The following BBS7 variants were observed in gnomAD, a reference collection of about 807,000 sequenced individuals.
The protein encoded by BBS7 is BBSome complex member BBS7.
BBS7 carries 50 observed loss-of-function variants against 90.3 expected under a neutral mutation model. The observed-to-expected ratio is 0.55, with a 90% CI of 0.44 to 0.70. The LOEUF (loss-of-function observed/expected upper bound fraction) is 0.70. BBS7 is among the 30% of genes least tolerant of loss of function. BBS7 has a pLI of 0.00. For missense variants in BBS7, 729 were observed against 838.9 expected, an observed-to-expected ratio of 0.87 and a Z score of 1.62; for synonymous variants, 235 against 287.4, an observed-to-expected ratio of 0.82 and a Z score of 1.85.
rs1255306616 is a variant in BBS7 at position 121,833,922 on chromosome 4, TAATC to T, written c.1512-531_1512-528del. Among the ~76,000 whole-genome samples the T allele has an allele frequency of 3.3e-5, 5 of 152,186 alleles. No homozygotes were observed. In the East Asian group the frequency reaches 9.7e-4, roughly 29 times the overall value. On this transcript the variant is annotated intron_variant, in intron 14 of 18. Coordinates refer to ENST00000264499, the MANE Select transcript of BBS7 (RefSeq NM_176824.3). ...TTATACAAGGATCTCATTAGGGAAA[TAATC>T]AGTATAGTGTGAAGGCAAAGAATTG...
At chr4:121,853,896 T>C (rs1055168042) in intron 7 of BBS7, among the ~76,000 whole-genome samples, 1 of 152,190 alleles carries the variant, frequency 6.6e-6, no homozygotes, top group African/African-American at 2.4e-5. Flanking sequence ...GTTAACGCAT[T>C]TAGCCAAACT....
In BBS7 at chr4:121,854,793, C is replaced by T; in HGVS notation, c.629G>A (p.Gly210Glu). Reference sequence around the variant, plus strand: ...AAGCGCAAGTTTTCCGTCTGATGTCCCAAACAAAAGGTCTTCTCCAGAGTC... The same window carrying T: ...AAGCGCAAGTTTTCCGTCTGATGTCTCAAACAAAAGGTCTTCTCCAGAGTC... ...GGDSGEDLLF[G>E]TSDGKLALIQ... The change falls in exon 7 of 19, where the codon GGG (glycine) becomes GAG (glutamate). Residue 210 changes from glycine to glutamate, a missense_variant. Gly to Glu is a moderately conservative substitution (Grantham distance 98). Transcript: ENST00000264499. 3 of 1,612,314 alleles carry T rather than the reference C, an allele frequency of 1.9e-6. No homozygotes were observed. Among genetic ancestry groups the T allele is most frequent in the Non-Finnish European group, 2.5e-6 (3 of 1,178,956 alleles).
Position 121,847,501 on chromosome 4 carries a change from C to T in BBS7, c.940G>A (p.Val314Ile), listed in dbSNP as rs750750883. 15 of 1,608,730 alleles carry T rather than the reference C, an allele frequency of 9.3e-6. No homozygotes were observed. The highest frequency in any genetic ancestry group is 1.3e-5 in the Non-Finnish European group (15 of 1,175,432). The change falls in exon 10 of 19, where the codon GTT becomes ATT. Residue 314 changes from valine to isoleucine, a missense_variant. By Grantham distance (29) the Val-to-Ile change is conservative (BLOSUM62 3). Coordinates refer to ENST00000264499, the MANE Select transcript of BBS7 (RefSeq NM_176824.3). Reference protein sequence around the residue: ...EIVVSTYSGWVTGLTTEPIHK... With the variant: ...EIVVSTYSGWITGLTTEPIHK... ...ATGGGCTCTGTTGTCAGACCTGTAA[C>T]CCAGCCTGTAGAGATGAATTACAAT...
chr4:121,869,241 A>G (rs4560435), intron 1 of BBS7, among the ~76,000 whole-genome samples: 147,569 of 152,270 alleles, frequency 0.97, 71,529 homozygotes, highest in Middle Eastern at 1. Flanking sequence ...TGTACCATTA[A>G]CTAAAATGAG....
chr4:121,837,216 C>T (rs1256406989), intron 13 of BBS7, among the ~76,000 whole-genome samples: 2 of 152,092 alleles, frequency 1.3e-5, no homozygotes, highest in African/African-American at 4.8e-5. Context: ...ATCCGCCTGC[C>T]TTGGCCTCCC....
chr4:121,859,129 G>T lies in BBS7; in HGVS notation c.391C>A (p.His131Asn), dbSNP rs772922826. ...LFLSASYIYN[H>N]YCDCKDQHYY... is the part of the protein sequence containing the mutation. Reference sequence around the variant, plus strand: ...TGTTGGTCTTTGCAGTCACAATAATGGTTATAGATGTAACTTGCACTGAGA... The same window carrying T: ...TGTTGGTCTTTGCAGTCACAATAATTGTTATAGATGTAACTTGCACTGAGA... Residue 131 changes from histidine (H) to asparagine (N), a missense_variant, in exon 5 of 19, where the codon CAT (histidine) becomes AAT (asparagine). His to Asn is a moderately conservative substitution (Grantham distance 68). Coordinates refer to ENST00000264499, the MANE Select transcript of BBS7 (RefSeq NM_176824.3). The T allele has an allele frequency of 6.2e-7, 1 of 1,613,706 alleles. No individual in the cohort carries two copies. The highest frequency in any genetic ancestry group is 1.7e-5 in the Admixed American group (1 of 59,986).
chr4:121,855,962 G>GTA (rs10550345), intron 5 of BBS7, among the ~76,000 whole-genome samples: 6 of 151,052 alleles, frequency 4.0e-5, no homozygotes, highest in South Asian at 2.1e-4. Context: ...ATATATGTGT[G>GTA]TATATATATA....
chr4:121,843,961 GA>G lies in BBS7; in HGVS notation c.1270del (p.Ser424LeufsTer49). On this transcript the variant is annotated frameshift_variant, in exon 12 of 19. Transcript: ENST00000264499. LOFTEE classifies it high-confidence loss of function. ...PIDLLDVDKN[S>X]AVVSFSSCDS... is the part of the protein sequence containing the mutation. ...ACAGCTGCTAAAGCTAACAACAGCA[GA>G]ATTTTTATCCACATCAAGTAAATCT... 6.2e-7 allele frequency: 1 copy of G among 1,602,724 alleles called. No homozygotes were observed. Among genetic ancestry groups the G allele is most frequent in the Non-Finnish European group, 8.5e-7 (1 of 1,172,782 alleles).
chr4:121,833,618 A>T (rs1398603985), intron 14 of BBS7, among the ~76,000 whole-genome samples: 2 of 152,206 alleles, frequency 1.3e-5, no homozygotes, highest in African/African-American at 4.8e-5. Flanking sequence ...CAGTTAAGTG[A>T]TATATGTAAA....
intron 15 of BBS7, 33 bp downstream of exon 15, chr4:121,833,198 A>G: frequency 6.2e-7 from 1 of 1,605,928 alleles, no homozygotes; most frequent in Non-Finnish European, 8.5e-7. Context: ...TATATAAAAC[A>G]ACACTTGTGA....
rs1725285117 is a variant in BBS7, at chr4:121,833,296, T to G, written c.1611A>C (p.Ala537=). 1.2e-6 allele frequency: 2 copies of G among 1,614,030 alleles called. No individual in the cohort carries two copies. Among genetic ancestry groups the G allele is most frequent in the Non-Finnish European group, 1.7e-6 (2 of 1,179,948 alleles). ...CLPEVPEKPP[A]GECVTFYFQN... is the part of the protein sequence containing the mutation. ...GAAAGTAAAATGTCACACATTCTCC[T>G]GCTGGAGGTTTTTCTGGAACTTCAG... Residue 537 remains alanine, a synonymous_variant, in exon 15 of 19, where the codon GCA becomes GCC. Transcript: ENST00000264499.
At chr4:121,857,310 G>T (rs768617928) in intron 5 of BBS7, among the ~76,000 whole-genome samples, 16 of 151,064 alleles carry the variant, frequency 1.1e-4, no homozygotes, top group Middle Eastern at 3.5e-3. Flanking sequence ...AAGAGATGGG[G>T]GTCTCGCTAT....
At chr4:121,827,783 A>T in intron 18 of BBS7, 1 of 941,758 alleles carries the variant, frequency 1.1e-6, no homozygotes, top group Non-Finnish European at 1.3e-6. Context: ...GCATTTTTAT[A>T]ATTCACAATA....
At chr4:121,826,488 T>C (rs1460259927) in intron 18 of BBS7, among the ~76,000 whole-genome samples, 1 of 152,206 alleles carries the variant, frequency 6.6e-6, no homozygotes. Flanking sequence ...AAAACAGGAA[T>C]AATTCAAGCT....
chr4:121,858,875 T>A, intron 5 of BBS7, 117 bp downstream of exon 5: 1 of 940,092 alleles, frequency 1.1e-6, no homozygotes, highest in South Asian at 1.7e-5. Context: ...AAAAATTGTT[T>A]CCACATGTTT....
chr4:121,867,504 A>G (rs1727352587), intron 2 of BBS7, among the ~76,000 whole-genome samples: 1 of 152,142 alleles, frequency 6.6e-6, no homozygotes, highest in South Asian at 2.1e-4. Context: ...AGGATAAAGT[A>G]TTTTTTTGCA....
intron 8 of BBS7, among the ~76,000 whole-genome samples, chr4:121,850,342 T>G (rs1726254042): frequency 6.6e-6 from 1 of 152,016 alleles, no homozygotes; most frequent in Admixed American, 6.6e-5. Context: ...TTTTTTAAAT[T>G]TTTTGCAGAG....
chr4:121,833,366 T>A lies in BBS7; in HGVS notation c.1541A>T (p.Gln514Leu). The A allele has an allele frequency of 1.9e-6, 3 of 1,614,032 alleles. No individual in the cohort carries two copies. Among genetic ancestry groups the A allele is most frequent in the Non-Finnish European group, 2.5e-6 (3 of 1,179,934 alleles). Reference sequence around the variant, plus strand: ...GGAGTGAACTTCAGCAAAACTGAACTGGCCTGTTAGGGTCAGTGTATTCAT... The same window carrying A: ...GGAGTGAACTTCAGCAAAACTGAACAGGCCTGTTAGGGTCAGTGTATTCAT... ...RPMNTLTLTG[Q>L]FSFAEVHSWV... Residue 514 changes from glutamine to leucine, a missense_variant, in exon 15 of 19, where the codon CAG becomes CTG. Physicochemically the swap from Gln to Leu is moderately radical, Grantham distance 113. Transcript: ENST00000264499.
intron 13 of BBS7, 102 bp from the exon 14 acceptor site, chr4:121,835,385 A>G: frequency 7.4e-7 from 1 of 1,351,506 alleles, no homozygotes; most frequent in Non-Finnish European, 1.0e-6. Flanking sequence ...ATTCACTAAT[A>G]TGTGAAGACC....
Sources: gnomAD v4.1 joint callset for allele counts (sites outside exome capture counted in the v4.1 genomes callset) on GRCh38, gnomAD v4.1.1 for gene constraint, MANE v1.5 for transcripts, NCBI Gene and HGNC (gene_info 2026-07-23, HGNC 2026-07-21) for gene names.